The following FAM78B variants were observed in gnomAD, a reference collection of about 807,000 sequenced individuals.
The protein encoded by FAM78B is protein FAM78B.
FAM78B carries 10 observed loss-of-function variants against 20.0 expected under a neutral mutation model. That is an observed-to-expected ratio of 0.50 (90% CI 0.31 to 0.85). The LOEUF (loss-of-function observed/expected upper bound fraction) is 0.85, where lower values mean the gene tolerates loss of function less well. Ranked by LOEUF, FAM78B falls within the 40% of genes least tolerant of loss-of-function variation. The pLI is 0.05. For synonymous variants in FAM78B, 135 were observed against 132.8 expected, an observed-to-expected ratio of 1.02 and a Z score of -0.12; for missense variants, 283 against 345.0, an observed-to-expected ratio of 0.82 and a Z score of 1.42.
intron 1 of FAM78B, among the ~76,000 whole-genome samples, chr1:166,124,044 G>A (rs546813371): frequency 2.0e-5 from 3 of 152,306 alleles, no homozygotes; most frequent in Non-Finnish European, 4.4e-5. Context: ...AGCCCCTCAT[G>A]ATCTGACCCT....
chr1:166,135,866 A>G (rs1414551025), intron 1 of FAM78B, among the ~76,000 whole-genome samples: 1 of 152,234 alleles, frequency 6.6e-6, no homozygotes, highest in African/African-American at 2.4e-5. Context: ...TGTGTTCTGC[A>G]AAGATGGTGC....
At chr1:166,106,940 T>A (rs1190188114) in intron 1 of FAM78B, among the ~76,000 whole-genome samples, 2 of 150,818 alleles carry the variant, frequency 1.3e-5, no homozygotes, top group Non-Finnish European at 3.0e-5. Flanking sequence ...AAAAAAAAAA[T>A]CTTTGAACTG....
At chr1:166,065,539 AT>A (rs1342658371), downstream of FAM78B, among the ~76,000 whole-genome samples, 1 of 152,168 alleles carries the variant, frequency 6.6e-6, no homozygotes, top group Non-Finnish European at 1.5e-5. Context: ...AAAACTCTTT[AT>A]AAACTGTAAA....
At chr1:166,073,731 C>T (rs1557888968) in intron 1 of FAM78B, among the ~76,000 whole-genome samples, 1 of 152,174 alleles carries the variant, frequency 6.6e-6, no homozygotes, top group Non-Finnish European at 1.5e-5. Context: ...TTTCAAACTC[C>T]ATATGGCTCA....
chr1:166,150,887 C>T (rs1266219979), intron 1 of FAM78B, among the ~76,000 whole-genome samples: 2 of 152,068 alleles, frequency 1.3e-5, no homozygotes, highest in Admixed American at 1.3e-4. Context: ...GAGTTTGAGA[C>T]TAGCCTGAGC....
chr1:166,093,597 C>T (rs1174531695), intron 1 of FAM78B, among the ~76,000 whole-genome samples: 5 of 152,102 alleles, frequency 3.3e-5, no homozygotes, highest in Non-Finnish European at 5.9e-5. Flanking sequence ...CATGTAAAGG[C>T]GCTAAGAGAC....
chr1:166,120,826 G>C (rs867375080), intron 1 of FAM78B, among the ~76,000 whole-genome samples: 1 of 152,220 alleles, frequency 6.6e-6, no homozygotes, highest in Non-Finnish European at 1.5e-5. Flanking sequence ...AAATGCGCTA[G>C]GCAGGAGACT....
intron 1 of FAM78B, among the ~76,000 whole-genome samples, chr1:166,138,563 C>T (rs1020640133): frequency 4.6e-5 from 7 of 152,280 alleles, no homozygotes; most frequent in African/African-American, 7.2e-5. Flanking sequence ...CACACATCTT[C>T]GCTAGCCTTA....
chr1:166,126,207 T>G (rs1390544584), intron 1 of FAM78B, among the ~76,000 whole-genome samples: 1 of 152,106 alleles, frequency 6.6e-6, no homozygotes, highest in Non-Finnish European at 1.5e-5. Flanking sequence ...GCAGAACCAA[T>G]GGATACAGAG....
intron 1 of FAM78B, among the ~76,000 whole-genome samples, chr1:166,080,842 T>C (rs1571142680): frequency 6.6e-6 from 1 of 152,060 alleles, no homozygotes. Flanking sequence ...GGTGGGACAG[T>C]GAAGAGAGAG....
Position 166,166,091 on chromosome 1 carries a change from G to C in FAM78B, c.158C>G (p.Ala53Gly). ...RYKTPYFKAS[A>G]RVVMPPIPRH... ...GGGGATGGGGGGCATGACCACGCGG[G>C]CGGAGGCTTTGAAGTAGGGGGTCTT... Residue 53 changes from alanine (A) to glycine (G), a missense_variant, in exon 1 of 2, where the codon GCC becomes GGC. Transcript: ENST00000354422. 1 of 1,613,732 alleles carries C rather than the reference G, an allele frequency of 6.2e-7. No individual in the cohort carries two copies.
downstream of FAM78B, among the ~76,000 whole-genome samples, chr1:166,068,491 G>A (rs1651886176): frequency 6.6e-6 from 1 of 152,156 alleles, no homozygotes; most frequent in East Asian, 1.9e-4. Flanking sequence ...ACATAATTTG[G>A]AGCAGATCTC....
chr1:166,152,864 G>A (rs910058003), intron 1 of FAM78B, among the ~76,000 whole-genome samples: 2 of 151,956 alleles, frequency 1.3e-5, no homozygotes, highest in African/African-American at 4.8e-5. Context: ...TTTTAGTACA[G>A]ACGAGGTTTC....
At position 166,070,520 on chromosome 1, in the gene FAM78B, G is replaced by C; in HGVS notation, c.507C>G (p.Phe169Leu). Residue 169 changes from phenylalanine to leucine, a missense_variant, in exon 2 of 2, where the codon TTC becomes TTG. Phe to Leu is a conservative substitution (Grantham distance 22). Coordinates refer to ENST00000354422, the MANE Select transcript of FAM78B (RefSeq NM_001017961.5). Reference sequence around the variant, plus strand: ...TGTTCATGGCCACCAGCCAGGTCGTGAAACTTTGGTCTCTCTTGATTCTTG... The same window carrying C: ...TGTTCATGGCCACCAGCCAGGTCGTCAAACTTTGGTCTCTCTTGATTCTTG... ...LLTRIKRDQS[F>L]TTWLVAMNTT... 6.2e-7 allele frequency: 1 copy of C among 1,614,138 alleles called. No individual in the cohort carries two copies.
intron 1 of FAM78B, among the ~76,000 whole-genome samples, chr1:166,133,794 C>T (rs563035605): frequency 1.5e-4 from 23 of 152,276 alleles, no homozygotes; most frequent in East Asian, 3.9e-4. Flanking sequence ...GATGGCCACT[C>T]GCGAGGTGCT....
At chr1:166,057,547 A>C (rs1466158317) in exon 3 of FAM78B, 1 of 152,222 alleles carries the variant, frequency 6.6e-6, no homozygotes, top group African/African-American at 2.4e-5. Context: ...TTTCCTAATT[A>C]AAGTCATTTT....
rs1407123079 is a variant in FAM78B at position 166,146,459 on chromosome 1, G to A, written c.263+19527C>T. ...CTGCTGACCGGACAGGTAGGATGAT[G>A]CAGTCCTACGGAAATGAAGATGGAC... On this transcript the variant is annotated intron_variant, in intron 1 of 1. Coordinates refer to ENST00000354422, the MANE Select transcript of FAM78B (RefSeq NM_001017961.5). Among the ~76,000 whole-genome samples the A allele has an allele frequency of 5.9e-5, 9 of 152,208 alleles. No individual in the cohort carries two copies. The East Asian group carries it at 1.7e-3, about 29-fold the overall frequency.
In FAM78B at chr1:166,166,203, C is replaced by G; in HGVS notation, c.46G>C (p.Glu16Gln). The G allele has an allele frequency of 6.3e-7, 1 of 1,578,384 alleles. No individual in the cohort carries two copies. Among genetic ancestry groups the G allele is most frequent in the Non-Finnish European group, 8.6e-7 (1 of 1,160,980 alleles). Residue 16 changes from glutamate (E) to glutamine (Q), a missense_variant, in exon 1 of 2, where the codon GAG becomes CAG. Glu to Gln is a conservative substitution (Grantham distance 29). Transcript: ENST00000354422. ...SITCKARIRR[E>Q]NIVVYDVCAT... ...CACACATCGTACACCACGATGTTCT[C>G]GCGCCGGATCCGCGCCTTGCAGGTG...
rs1253659081 is a variant in FAM78B at position 166,166,004 on chromosome 1, G to T, written c.245C>A (p.Thr82Asn). 1 of 1,613,876 alleles carries T rather than the reference G, an allele frequency of 6.2e-7. No individual in the cohort carries two copies. Among genetic ancestry groups the T allele is most frequent in the African/African-American group, 1.3e-5 (1 of 75,018 alleles). The change falls in exon 1 of 2, where the codon ACC (threonine) becomes AAC (asparagine). Residue 82 changes from threonine (T) to asparagine (N), a missense_variant. Coordinates refer to ENST00000354422, the MANE Select transcript of FAM78B (RefSeq NM_001017961.5). ...QACNQMEFFN[T>N]YSDLGMSSWE... Reference sequence around the variant, plus strand: ...CGCTTACATGCCCAGGTCGCTGTAGGTGTTGAAGAACTCCATCTGATTGCA... The same window carrying T: ...CGCTTACATGCCCAGGTCGCTGTAGTTGTTGAAGAACTCCATCTGATTGCA...
Sources: allele counts gnomAD v4.1 joint callset (sites outside exome capture counted in the v4.1 genomes callset), GRCh38; gene constraint gnomAD v4.1.1; transcripts MANE v1.5; gene names NCBI Gene and HGNC (gene_info 2026-07-23, HGNC 2026-07-21).